TFDP2: variants seen among roughly 807,000 people sequenced by gnomAD.
TFDP2 encodes the protein transcription factor Dp-2, also known as transcription factor Dp-2 (E2F dimerization partner 2).
A neutral mutation model predicts 59.3 loss-of-function variants in TFDP2; 17 were observed. That is an observed-to-expected ratio of 0.29 (90% CI 0.20 to 0.43). The LOEUF is 0.43. Among genes scored for constraint, TFDP2 ranks in the 20% least tolerant of loss-of-function variants. The pLI is 1.00. For synonymous variants in TFDP2, 180 were observed against 194.7 expected (o/e 0.92, Z 0.63); for missense variants, 391 against 528.8 (o/e 0.74, Z 2.56).
At chr3:141,961,337 G>C (rs1304873519) in intron 10 of TFDP2, among the ~76,000 whole-genome samples, 1 of 146,206 alleles carries the variant, frequency 6.8e-6, no homozygotes, top group Non-Finnish European at 1.5e-5. Context: ...TTCACCTCCT[G>C]GGTTCAAGTG....
At position 141,989,839 on chromosome 3, in the gene TFDP2, C is replaced by T. The variant is rs184739730; in HGVS notation, c.356+3699G>A. Among the ~76,000 whole-genome samples the T allele has an allele frequency of 9.2e-4, 140 of 151,538 alleles. 1 individual carries two copies. Among genetic ancestry groups the T allele is most frequent in the African/African-American group, 3.3e-3 (136 of 41,244 alleles). Reference sequence around the variant, plus strand: ...TCATTTTCTAGTTGGAAAATCTATACCCCTATCATTTTTTACAGCACTTTT... The same window carrying T: ...TCATTTTCTAGTTGGAAAATCTATATCCCTATCATTTTTTACAGCACTTTT... On this transcript the variant is annotated intron_variant, in intron 6 of 12. Coordinates refer to ENST00000489671, the MANE Select transcript of TFDP2 (RefSeq NM_001178139.2).
chr3:141,965,573 G>A (rs1457105414), intron 9 of TFDP2, among the ~76,000 whole-genome samples: 1 of 145,344 alleles, frequency 6.9e-6, no homozygotes, highest in African/African-American at 2.6e-5. Context: ...GGAAGGGGAA[G>A]GGGAAGGGGA....
At chr3:142,105,081 C>T (rs990269709) in intron 1 of TFDP2, among the ~76,000 whole-genome samples, 18 of 152,062 alleles carry the variant, frequency 1.2e-4, no homozygotes, top group African/African-American at 4.1e-4. Context: ...AGTTTATACG[C>T]CCTCCAGTTT....
rs566139476 is a variant in TFDP2 at position 141,961,479 on chromosome 3, A to C, written c.885-1639T>G. 9.9e-5 allele frequency among the ~76,000 whole-genome samples: 15 copies of C among 151,776 alleles called. No homozygotes were observed. The East Asian group carries it at 2.7e-3, about 28-fold the overall frequency. ...AGGTTGGTCTCGAACTCCTGACCTT[A>C]TGATCCACCCACCTTGGCCTCCCAA... On this transcript the variant is annotated intron_variant, in intron 10 of 12. Transcript: ENST00000489671.
At chr3:142,083,001 A>G (rs1339094438) in intron 3 of TFDP2, among the ~76,000 whole-genome samples, 1 of 152,196 alleles carries the variant, frequency 6.6e-6, no homozygotes, top group Non-Finnish European at 1.5e-5. Context: ...TCAGTATAGT[A>G]CTGGAAGTCC....
At chr3:142,111,192 GCC>G (rs1056612943) in intron 1 of TFDP2, among the ~76,000 whole-genome samples, 1 of 152,104 alleles carries the variant, frequency 6.6e-6, no homozygotes, top group Non-Finnish European at 1.5e-5. Context: ...ACTTTGGGAG[GCC>G]GAGGCAGGTG....
At chr3:142,056,310 TAAAA>T (rs11338630) in intron 3 of TFDP2, among the ~76,000 whole-genome samples, 5 of 137,820 alleles carry the variant, frequency 3.6e-5, no homozygotes, top group Admixed American at 7.3e-5. Context: ...AACAGTGAAT[TAAAA>T]AAAAAAAAAA....
chr3:142,031,071 C>G (rs1269985953), intron 3 of TFDP2, among the ~76,000 whole-genome samples: 1 of 151,900 alleles, frequency 6.6e-6, no homozygotes, highest in Admixed American at 6.6e-5. Context: ...TAGGAGAGCA[C>G]CCCCCCGGCC....
intron 3 of TFDP2, among the ~76,000 whole-genome samples, chr3:142,017,548 CTTTTT>C (rs10535313): frequency 3.4e-5 from 3 of 87,232 alleles, no homozygotes; most frequent in Non-Finnish European, 2.2e-5. Flanking sequence ...CAAAAATATT[CTTTTT>C]TTTTTTTTTT....
chr3:142,149,114 C>T, intron 1 of TFDP2, 69 bp downstream of exon 1: 1 of 397,634 alleles, frequency 2.5e-6, no homozygotes, highest in Non-Finnish European at 4.4e-6. Context: ...GGAAACCTAC[C>T]CAGGAACGCG....
intron 3 of TFDP2, among the ~76,000 whole-genome samples, chr3:142,055,367 T>C (rs186888418): frequency 1.3e-5 from 2 of 152,182 alleles, no homozygotes; most frequent in African/African-American, 2.4e-5. Flanking sequence ...TCACGGGACA[T>C]ATGGTAGCCC....
chr3:141,987,447 A>C (rs1942224763), intron 6 of TFDP2, among the ~76,000 whole-genome samples: 1 of 151,600 alleles, frequency 6.6e-6, no homozygotes, highest in Non-Finnish European at 1.5e-5. Flanking sequence ...ACGCCCAGCT[A>C]ATGTTTTGTA....
At chr3:142,107,065 A>G (rs954548555) in intron 1 of TFDP2, among the ~76,000 whole-genome samples, 5 of 152,172 alleles carry the variant, frequency 3.3e-5, no homozygotes, top group African/African-American at 1.2e-4. Flanking sequence ...CATGACTCAT[A>G]ATTTAGAAAA....
At chr3:142,144,956 T>C (rs772548015) in intron 1 of TFDP2, among the ~76,000 whole-genome samples, 1 of 152,148 alleles carries the variant, frequency 6.6e-6, no homozygotes, top group Non-Finnish European at 1.5e-5. Flanking sequence ...AAGCTATTAC[T>C]GCAGTACACT....
intron 3 of TFDP2, among the ~76,000 whole-genome samples, chr3:142,046,093 C>A (rs1257806584): frequency 6.6e-6 from 1 of 152,098 alleles, no homozygotes; most frequent in Non-Finnish European, 1.5e-5. Context: ...GACTTAAAGT[C>A]AATTTGTGGA....
At chr3:142,006,799 G>T (rs1286726749) in intron 3 of TFDP2, among the ~76,000 whole-genome samples, 3 of 145,392 alleles carry the variant, frequency 2.1e-5, no homozygotes, top group Admixed American at 6.9e-5. Flanking sequence ...CTTTTTTTTT[G>T]AGAGTCTTGC....
intron 3 of TFDP2, among the ~76,000 whole-genome samples, chr3:142,070,346 C>G (rs74502177): frequency 1.3e-5 from 2 of 152,196 alleles, no homozygotes; most frequent in South Asian, 2.1e-4. Flanking sequence ...ACGAACACAG[C>G]TGGCTCACTG....
chr3:142,020,430 G>T (rs1319200189), intron 3 of TFDP2, among the ~76,000 whole-genome samples: 1 of 151,952 alleles, frequency 6.6e-6, no homozygotes, highest in Non-Finnish European at 1.5e-5. Context: ...AGCTGCTTGG[G>T]TGGCTGAGGC....
rs117136080 is a variant in TFDP2 at position 142,051,614 on chromosome 3, C to T, written c.82+41447G>A. Among the ~76,000 whole-genome samples, 52 of 151,662 alleles carry T rather than the reference C, an allele frequency of 3.4e-4. No individual in the cohort carries two copies. In the East Asian group the frequency reaches 9.1e-3, roughly 27 times the overall value. On this transcript the variant is annotated intron_variant, in intron 3 of 12. Coordinates refer to ENST00000489671, the MANE Select transcript of TFDP2 (RefSeq NM_001178139.2). ...GAACCACTGAGCTACCAAGAGAGTACAGTATTGGCATGAAGATAAGACACG... is the reference window on the plus strand; with the variant it reads ...GAACCACTGAGCTACCAAGAGAGTATAGTATTGGCATGAAGATAAGACACG...
Sources: allele counts gnomAD v4.1 joint callset (sites outside exome capture counted in the v4.1 genomes callset), GRCh38; gene constraint gnomAD v4.1.1; transcripts MANE v1.5; gene names NCBI Gene and HGNC (gene_info 2026-07-23, HGNC 2026-07-21).